Variants in PTPRD observed in about 807,000 individuals in gnomAD.
The protein encoded by PTPRD is protein tyrosine phosphatase receptor type D, also known as receptor-type tyrosine-protein phosphatase delta.
A neutral mutation model predicts 214.5 loss-of-function variants in PTPRD; 34 were observed. That is an observed-to-expected ratio of 0.16 (90% CI 0.12 to 0.21). PTPRD has a LOEUF of 0.21. PTPRD is among the 10% of genes least tolerant of loss of function. The pLI is 1.00. For synonymous variants in PTPRD, 1,128 were observed against 845.7 expected (o/e 1.33, Z -5.79); for missense variants, 2,545 against 2,398.7 (o/e 1.06, Z -1.27).
intron 2 of PTPRD, among the ~76,000 whole-genome samples, chr9:10,514,198 A>C (rs2049219260): frequency 6.6e-6 from 1 of 152,120 alleles, no homozygotes; most frequent in South Asian, 2.1e-4. Flanking sequence ...ATTTATACAT[A>C]GATACATATA....
At chr9:8,888,215 CA>C (rs779278050) in intron 11 of PTPRD, among the ~76,000 whole-genome samples, 20 of 152,060 alleles carry the variant, frequency 1.3e-4, no homozygotes, top group African/African-American at 4.3e-4. Context: ...AGTGGAAAAA[CA>C]ACAAAACAAG....
intron 10 of PTPRD, among the ~76,000 whole-genome samples, chr9:9,138,941 CATA>C (rs1317263459): frequency 6.6e-6 from 1 of 152,022 alleles, no homozygotes; most frequent in Non-Finnish European, 1.5e-5. Flanking sequence ...TAAGTAATAG[CATA>C]ATAACAATAA....
intron 3 of PTPRD, among the ~76,000 whole-genome samples, chr9:10,200,739 T>G (rs933884531): frequency 2.0e-5 from 3 of 152,090 alleles, no homozygotes; most frequent in African/African-American, 7.2e-5. Flanking sequence ...ATTTGCAGAA[T>G]GTTATAGCTA....
At chr9:8,921,634 C>T (rs935898199) in intron 11 of PTPRD, among the ~76,000 whole-genome samples, 3 of 152,008 alleles carry the variant, frequency 2.0e-5, no homozygotes, top group Non-Finnish European at 2.9e-5. Context: ...GCTGGGATTA[C>T]AGGTGTGTGC....
At chr9:10,598,868 T>C (rs2077283478) in intron 2 of PTPRD, among the ~76,000 whole-genome samples, 1 of 151,542 alleles carries the variant, frequency 6.6e-6, no homozygotes, top group Non-Finnish European at 1.5e-5. Flanking sequence ...AGAAAGAATG[T>C]ATGACACTAC....
chr9:9,814,816 T>TTTTTTTTTTTTTTTC (rs1555151920), intron 5 of PTPRD, among the ~76,000 whole-genome samples: 1 of 122,818 alleles, frequency 8.1e-6, no homozygotes. Flanking sequence ...TTTTTTTTTT[T>TTTTTTTTTTTTTTTC]CGATACAGAA....
chr9:9,954,297 CAAAAAAA>C (rs781628679), intron 4 of PTPRD, among the ~76,000 whole-genome samples: 28 of 53,776 alleles, frequency 5.2e-4, no homozygotes, highest in Admixed American at 3.9e-3. Context: ...TGTCTCAAAA[CAAAAAAA>C]AAAAAAAAAA....
rs2137494678 is a variant in PTPRD at position 8,507,312 on chromosome 9, G to A, written c.1666C>T (p.His556Tyr). ...NYELVYKDGE[H>Y]GEEQRITIEP... The stretch of plus-strand genomic sequence containing the variant: ...CACTATAGTCTTACCTCCTCTCCAT[G>A]CTCCCCATCTTTGTAGACCAGTTCA... Residue 556 changes from histidine (H) to tyrosine (Y), a missense_variant, in exon 22 of 46, where the codon CAT becomes TAT. Coordinates refer to ENST00000381196, the MANE Select transcript of PTPRD (RefSeq NM_002839.4). 1 of 1,613,768 alleles carries A rather than the reference G, an allele frequency of 6.2e-7. No individual in the cohort carries two copies.
At chr9:8,973,782 T>C (rs367985405) in intron 11 of PTPRD, among the ~76,000 whole-genome samples, 31 of 152,236 alleles carry the variant, frequency 2.0e-4, no homozygotes, top group East Asian at 7.7e-4. Context: ...TGGCATCTCA[T>C]TGTGGTTTTG....
At chr9:8,480,635 T>A (rs2096861784) in intron 30 of PTPRD, among the ~76,000 whole-genome samples, 1 of 152,158 alleles carries the variant, frequency 6.6e-6, no homozygotes, top group Admixed American at 6.5e-5. Context: ...ACTCATTGAG[T>A]TGTATACATT....
Position 8,748,094 on chromosome 9 carries a change from A to C in PTPRD, c.-103-14148T>G, listed in dbSNP as rs2093042784. ...AGGCACCCCTCCTGAGGAAATCTCA[A>C]CTGCACAACAACTACTATGCCCCAA... On this transcript the variant is annotated intron_variant, in intron 11 of 45. Coordinates refer to ENST00000381196, the MANE Select transcript of PTPRD (RefSeq NM_002839.4). Among the ~76,000 whole-genome samples the C allele has an allele frequency of 4.6e-5, 7 of 152,160 alleles. No individual in the cohort carries two copies. The South Asian group carries it at 1.0e-3, about 23-fold the overall frequency.
At chr9:10,352,849 T>C (rs995453698) in intron 2 of PTPRD, among the ~76,000 whole-genome samples, 4 of 152,140 alleles carry the variant, frequency 2.6e-5, no homozygotes, top group Admixed American at 2.6e-4. Flanking sequence ...AGAGAAATCC[T>C]CATTAACTCT....
At chr9:9,449,799 T>C (rs913312238) in intron 8 of PTPRD, among the ~76,000 whole-genome samples, 30 of 151,874 alleles carry the variant, frequency 2.0e-4, no homozygotes, top group African/African-American at 7.0e-4. Flanking sequence ...ATAAGCTCTT[T>C]AGTGGTGATT....
chr9:10,388,853 A>C (rs1197889288), intron 2 of PTPRD, among the ~76,000 whole-genome samples: 1 of 151,878 alleles, frequency 6.6e-6, no homozygotes, highest in Non-Finnish European at 1.5e-5. Flanking sequence ...GAGAGACTAG[A>C]ATTTAGTAAG....
At chr9:8,374,114 CTGTGTGTGTG>C (rs6150905) in intron 39 of PTPRD, among the ~76,000 whole-genome samples, 2,161 of 142,884 alleles carry the variant, frequency 0.015, 52 homozygotes, top group African/African-American at 0.052. Flanking sequence ...ACACACGTGT[CTGTGTGTGTG>C]TGTGTGTGTG....
chr9:10,194,343 TATAGAGAGAGAGAGAGAGAGAG>T (rs1342661659), intron 3 of PTPRD, among the ~76,000 whole-genome samples: 598 of 40,888 alleles, frequency 0.015, 1 homozygote, highest in East Asian at 0.048. Context: ...TATATATATA[TATAGAGAGAGAGAGAGAGAGAG>T]AGAGAGAGAG....
At chr9:9,386,683 C>T (rs2063975692) in intron 9 of PTPRD, among the ~76,000 whole-genome samples, 2 of 152,040 alleles carry the variant, frequency 1.3e-5, no homozygotes, top group South Asian at 4.1e-4. Flanking sequence ...TTAAAACCTT[C>T]ACATGTACAT....
At chr9:9,202,122 G>T (rs1004813781) in intron 9 of PTPRD, among the ~76,000 whole-genome samples, 7 of 152,208 alleles carry the variant, frequency 4.6e-5, no homozygotes, top group African/African-American at 1.7e-4. Context: ...AGCACACACA[G>T]AGGTGGAGAA....
intron 10 of PTPRD, among the ~76,000 whole-genome samples, chr9:9,044,136 G>A (rs1170204667): frequency 1.3e-5 from 2 of 152,024 alleles, no homozygotes; most frequent in African/African-American, 4.8e-5. Flanking sequence ...ATTTTTATAT[G>A]ACAACATGAA....
Sources: allele counts gnomAD v4.1 joint callset (sites outside exome capture counted in the v4.1 genomes callset), GRCh38; gene constraint gnomAD v4.1.1; transcripts MANE v1.5; gene names NCBI Gene and HGNC (gene_info 2026-07-23, HGNC 2026-07-21).